The following CRIM1 variants were observed in gnomAD, a reference collection of about 807,000 sequenced individuals.
The protein encoded by CRIM1 is cysteine-rich motor neuron 1 protein.
A neutral mutation model predicts 116.4 loss-of-function variants in CRIM1; 32 were observed. That is an observed-to-expected ratio of 0.27 (90% CI 0.21 to 0.37). The LOEUF (loss-of-function observed/expected upper bound fraction) is 0.37, where lower values mean the gene tolerates loss of function less well. CRIM1 is among the 10% of genes least tolerant of loss of function. The pLI is 1.00. For missense variants in CRIM1, 1,331 were observed against 1,354.8 expected, an observed-to-expected ratio of 0.98 and a Z score of 0.28; for synonymous variants, 590 against 509.2, an observed-to-expected ratio of 1.16 and a Z score of -2.13.
Position 36,544,514 on chromosome 2 carries a change from A to C in CRIM1, c.2746+16A>C. 7.6e-7 allele frequency: 1 copy of C among 1,323,524 alleles called. No individual in the cohort carries two copies. 82.0% of individuals were successfully genotyped at this position (1,323,524 alleles called of 1,614,324 possible). A position where few individuals can be genotyped will look rare whatever the true frequency, so the allele number is the denominator to read the frequency against. On this transcript the variant is annotated intron_variant, in intron 15 of 16. Transcript: ENST00000280527. The stretch of plus-strand genomic sequence containing the variant: ...CTCCCTAGAGGTAAGCATTGAAGGC[A>C]GCTGAGATCTGCTAGTTTTCTATGT...
intron 8 of CRIM1, among the ~76,000 whole-genome samples, chr2:36,509,314 C>G (rs1246819088): frequency 6.6e-6 from 1 of 152,060 alleles, no homozygotes; most frequent in Non-Finnish European, 1.5e-5. Flanking sequence ...GTCAGGAGTT[C>G]AAGAAGAACC....
intron 7 of CRIM1, among the ~76,000 whole-genome samples, chr2:36,487,382 A>C (rs1679901226): frequency 6.6e-6 from 1 of 152,194 alleles, no homozygotes; most frequent in South Asian, 2.1e-4. Context: ...TATGGGAAAA[A>C]TGTATACTTA....
intron 2 of CRIM1, among the ~76,000 whole-genome samples, chr2:36,428,630 G>A (rs1277371142): frequency 6.6e-6 from 1 of 152,170 alleles, no homozygotes; most frequent in African/African-American, 2.4e-5. Context: ...TTAGCAGTTG[G>A]TTAAATATTC....
chr2:36,391,102 G>A (rs564902126), intron 1 of CRIM1, among the ~76,000 whole-genome samples: 170 of 144,176 alleles, frequency 1.2e-3, no homozygotes, highest in African/African-American at 4.1e-3. Context: ...GAGCCATTGC[G>A]CCTGGCCAAC....
At chr2:36,508,652 A>T (rs190423183) in intron 8 of CRIM1, among the ~76,000 whole-genome samples, 1 of 152,228 alleles carries the variant, frequency 6.6e-6, no homozygotes, top group African/African-American at 2.4e-5. Context: ...TTCAAATTCT[A>T]TATTTAATTC....
chr2:36,503,109 C>T (rs1681118174), intron 8 of CRIM1, among the ~76,000 whole-genome samples: 1 of 152,182 alleles, frequency 6.6e-6, no homozygotes, highest in African/African-American at 2.4e-5. Flanking sequence ...ACTTTGGAAG[C>T]CACACCTTTG....
At position 36,517,545 on chromosome 2, in the gene CRIM1, A is replaced by G. The variant is rs1476906626; in HGVS notation, c.2206+3A>G. On this transcript the variant is annotated splice_donor_region_variant and intron_variant, in intron 12 of 16. Coordinates refer to ENST00000280527, the MANE Select transcript of CRIM1 (RefSeq NM_016441.3). ...TTCCTGCTGCCCACAGTGTACAGGT[A>G]AGCGACACCATGCCTTGTGGGTGCT... The G allele has an allele frequency of 1.2e-6, 2 of 1,606,932 alleles. No homozygotes were observed. Among genetic ancestry groups the G allele is most frequent in the South Asian group, 2.2e-5 (2 of 90,938 alleles).
At chr2:36,398,413 G>A (rs763353294) in intron 2 of CRIM1, among the ~76,000 whole-genome samples, 24 of 152,124 alleles carry the variant, frequency 1.6e-4, no homozygotes, top group Non-Finnish European at 3.1e-4. Context: ...CCAGTGTCTC[G>A]TCACATAAAA....
rs1668869711 is a variant in CRIM1 at position 36,356,995 on chromosome 2, TCGGGGAGCCCGGCCCTACC to T, written c.331+373_331+391del. Among the ~76,000 whole-genome samples the T allele has an allele frequency of 2.0e-5, 3 of 152,170 alleles. No homozygotes were observed. Among genetic ancestry groups the T allele is most frequent in the South Asian group, 4.2e-4 (2 of 4,808 alleles). On this transcript the variant is annotated intron_variant, in intron 1 of 16. Coordinates refer to ENST00000280527, the MANE Select transcript of CRIM1 (RefSeq NM_016441.3). This position sits in a 1 kb window ranked among gnomAD's most constrained non-coding sequence, Gnocchi z 4.3. ...GCAGATTCTGCCGCGCGCGAGCCCC[TCGGGGAGCCCGGCCCTACC>T]GCCCTCCCCGCACTGGCGCAGTGTG...
chr2:36,479,953 T>C (rs545672476), intron 7 of CRIM1, among the ~76,000 whole-genome samples: 1 of 152,330 alleles, frequency 6.6e-6, no homozygotes, highest in South Asian at 2.1e-4. Context: ...AATATGTACA[T>C]TTTAATTAAG....
At chr2:36,381,128 A>G (rs1397135687) in intron 1 of CRIM1, among the ~76,000 whole-genome samples, 2 of 151,286 alleles carry the variant, frequency 1.3e-5, no homozygotes, top group Admixed American at 6.6e-5. Flanking sequence ...CCCCCCACAC[A>G]GGAATCTAGA....
At chr2:36,541,695 C>A (rs1238760524) in intron 14 of CRIM1, among the ~76,000 whole-genome samples, 1 of 152,184 alleles carries the variant, frequency 6.6e-6, no homozygotes, top group African/African-American at 2.4e-5. Context: ...AAGCGCAGGT[C>A]AAGTATGAGC....
chr2:36,398,703 C>T (rs1308267339), intron 2 of CRIM1, among the ~76,000 whole-genome samples: 1 of 152,178 alleles, frequency 6.6e-6, no homozygotes, highest in Non-Finnish European at 1.5e-5. Context: ...GTATCTTCTA[C>T]AAACAGTGCT....
At chr2:36,413,190 A>G (rs1673341984) in intron 2 of CRIM1, among the ~76,000 whole-genome samples, 1 of 152,200 alleles carries the variant, frequency 6.6e-6, no homozygotes, top group African/African-American at 2.4e-5. Flanking sequence ...ATGCTGCTGA[A>G]TAAATTCTGC....
chr2:36,410,168 A>G (rs1337683844), intron 2 of CRIM1, among the ~76,000 whole-genome samples: 1 of 152,104 alleles, frequency 6.6e-6, no homozygotes, highest in Non-Finnish European at 1.5e-5. Flanking sequence ...TTTTTAAGGA[A>G]CTGGAATGTC....
At chr2:36,546,819 T>C (rs1667374925) in intron 15 of CRIM1, among the ~76,000 whole-genome samples, 165 bp from the exon 16 acceptor site, 1 of 145,692 alleles carries the variant, frequency 6.9e-6, no homozygotes, top group Non-Finnish European at 1.5e-5. Flanking sequence ...CTCTGCTCTC[T>C]ACTAAGAGCT....
chr2:36,398,244 G>A (rs747135828), intron 2 of CRIM1, among the ~76,000 whole-genome samples: 1 of 152,112 alleles, frequency 6.6e-6, no homozygotes, highest in East Asian at 1.9e-4. Context: ...AATGGTGAGT[G>A]CGTCACCATT....
chr2:36,457,571 A>G (rs978481575), intron 4 of CRIM1, among the ~76,000 whole-genome samples: 1 of 151,866 alleles, frequency 6.6e-6, no homozygotes, highest in African/African-American at 2.4e-5. Context: ...AGCTTGAGAC[A>G]GGGGAGAAAG....
At chr2:36,482,242 GT>G (rs1679475687) in intron 7 of CRIM1, among the ~76,000 whole-genome samples, 1 of 151,786 alleles carries the variant, frequency 6.6e-6, no homozygotes, top group African/African-American at 2.4e-5. Context: ...TCTTGTTTTT[GT>G]TTTTAACTTA....
Sources: gnomAD v4.1 joint callset for allele counts (sites outside exome capture counted in the v4.1 genomes callset) on GRCh38, gnomAD v4.1.1 for gene constraint, Gnocchi (gnomAD v3.1) non-coding constraint, MANE v1.5 for transcripts, NCBI Gene and HGNC (gene_info 2026-07-23, HGNC 2026-07-21) for gene names.